The following RBFOX1 variants were observed in gnomAD, a reference collection of about 807,000 sequenced individuals.
RBFOX1 encodes RNA binding fox-1 homolog 1.
Under a neutral mutation model 57.7 loss-of-function variants are expected in RBFOX1, and 8 were observed. The ratio of observed to expected loss-of-function variants is 0.14; its 90% confidence interval spans 0.08 to 0.25. The LOEUF is 0.25. RBFOX1 is among the 10% of genes least tolerant of loss of function. The probability of loss-of-function intolerance (pLI) is 1.00; values close to 1 mark genes in which losing one functional copy is unlikely to be tolerated. For synonymous variants in RBFOX1, 326 were observed against 222.4 expected (o/e 1.47, Z -4.15); for missense variants, 611 against 548.5 (o/e 1.11, Z -1.14).
chr16:7,588,197 CAAAAG>C (rs1259581952), intron 7 of RBFOX1, among the ~76,000 whole-genome samples: 2 of 152,088 alleles, frequency 1.3e-5, no homozygotes, highest in African/African-American at 2.4e-5. Flanking sequence ...AGCAAATAAA[CAAAAG>C]AAATATGTTG....
At chr16:5,554,788 T>C (rs7202064) in intron 2 of RBFOX1, among the ~76,000 whole-genome samples, 5,383 of 152,316 alleles carry the variant, frequency 0.035, 312 homozygotes, top group African/African-American at 0.12. Context: ...TGGTGGATGA[T>C]GGATTTGACA....
chr16:5,874,749 G>A (rs1204675278), intron 4 of RBFOX1, among the ~76,000 whole-genome samples: 2 of 152,090 alleles, frequency 1.3e-5, no homozygotes, highest in Non-Finnish European at 2.9e-5. Context: ...TTTGAGACCA[G>A]CCAGGGCATT....
intron 4 of RBFOX1, among the ~76,000 whole-genome samples, chr16:7,238,679 C>T (rs2152957631): frequency 6.6e-6 from 1 of 152,244 alleles, no homozygotes; most frequent in African/African-American, 2.4e-5. Context: ...CAAGTGCAGG[C>T]TTGTTACATA....
At chr16:5,288,299 G>A (rs2063449322) in intron 1 of RBFOX1, among the ~76,000 whole-genome samples, 1 of 152,178 alleles carries the variant, frequency 6.6e-6, no homozygotes, top group Admixed American at 6.5e-5. Flanking sequence ...CCGGCTGTTA[G>A]GAGGCTGCTG....
chr16:5,896,125 G>A (rs2058158123), intron 4 of RBFOX1, among the ~76,000 whole-genome samples: 1 of 152,132 alleles, frequency 6.6e-6, no homozygotes, highest in African/African-American at 2.4e-5. Flanking sequence ...GGAAGGGAGA[G>A]GCTGGAATCT....
chr16:5,266,753 C>G (rs2062869255), intron 1 of RBFOX1, among the ~76,000 whole-genome samples: 1 of 151,616 alleles, frequency 6.6e-6, no homozygotes, highest in Non-Finnish European at 1.5e-5. Flanking sequence ...GAGGGGGGGT[C>G]TCACTATATT....
At chr16:7,446,922 C>T (rs1371898592) in intron 4 of RBFOX1, among the ~76,000 whole-genome samples, 3 of 145,900 alleles carry the variant, frequency 2.1e-5, no homozygotes, top group Non-Finnish European at 4.5e-5. Flanking sequence ...ACAGCATTCT[C>T]CTGTCTCAGC....
intron 4 of RBFOX1, among the ~76,000 whole-genome samples, chr16:7,059,312 A>G (rs2053518923): frequency 6.6e-6 from 1 of 152,184 alleles, no homozygotes; most frequent in Middle Eastern, 3.2e-3. Context: ...GAGACCTCAC[A>G]GGATCCATGA....
chr16:6,249,922 C>G (rs1372237381), intron 1 of RBFOX1, among the ~76,000 whole-genome samples: 4 of 152,002 alleles, frequency 2.6e-5, no homozygotes, highest in Non-Finnish European at 2.9e-5. Flanking sequence ...CTGTCCCTCC[C>G]CACTCCCCCT....
At chr16:7,408,780 T>TCC (rs1271142698) in intron 4 of RBFOX1, among the ~76,000 whole-genome samples, 1 of 152,118 alleles carries the variant, frequency 6.6e-6, no homozygotes, top group African/African-American at 2.4e-5. Flanking sequence ...TAGCATCCCC[T>TCC]CCCTCCTTGT....
intron 1 of RBFOX1, among the ~76,000 whole-genome samples, chr16:5,420,992 C>T (rs995995726): frequency 1.4e-5 from 2 of 145,362 alleles, no homozygotes; most frequent in African/African-American, 5.1e-5. Context: ...CCTTCCTCCT[C>T]CTCCTCCTCC....
intron 4 of RBFOX1, among the ~76,000 whole-genome samples, chr16:5,888,825 T>C (rs1006052378): frequency 2.8e-5 from 4 of 145,396 alleles, no homozygotes; most frequent in African/African-American, 1.0e-4. Flanking sequence ...AAAAAAAAGT[T>C]GTTGAATTAA....
chr16:7,081,994 A>C (rs572790994), intron 4 of RBFOX1, among the ~76,000 whole-genome samples: 1 of 152,260 alleles, frequency 6.6e-6, no homozygotes, highest in African/African-American at 2.4e-5. Context: ...ACTGGAAATG[A>C]GCAGCCACGT....
intron 1 of RBFOX1, among the ~76,000 whole-genome samples, chr16:6,280,715 G>C (rs2076285804): frequency 6.6e-6 from 1 of 152,042 alleles, no homozygotes; most frequent in Non-Finnish European, 1.5e-5. Context: ...ATGAGGGTTG[G>C]AAACATCACG....
At chr16:7,334,273 C>G (rs899387925) in intron 4 of RBFOX1, among the ~76,000 whole-genome samples, 1 of 152,034 alleles carries the variant, frequency 6.6e-6, no homozygotes, top group Admixed American at 6.6e-5. Flanking sequence ...TCTGTATTAC[C>G]TGTTATAAAC....
chr16:7,502,004 G>T (rs1320761169), intron 4 of RBFOX1, among the ~76,000 whole-genome samples: 4 of 152,196 alleles, frequency 2.6e-5, no homozygotes, highest in African/African-American at 9.6e-5. Flanking sequence ...TCATGCTCTT[G>T]CCCATTTGGA....
chr16:7,592,979 CT>C (rs1203680995), intron 7 of RBFOX1, among the ~76,000 whole-genome samples: 2,863 of 137,474 alleles, frequency 0.021, 29 homozygotes, highest in South Asian at 0.072. Flanking sequence ...TCACACCTGG[CT>C]TTTTTTTTTT....
chr16:6,884,298 C>A (rs1390899627), intron 3 of RBFOX1, among the ~76,000 whole-genome samples: 1 of 152,178 alleles, frequency 6.6e-6, no homozygotes, highest in East Asian at 1.9e-4. Flanking sequence ...TGTGAAGCAA[C>A]TGCAGCTCTG....
chr16:7,073,939 C>G (rs183545774), intron 4 of RBFOX1, among the ~76,000 whole-genome samples: 2 of 152,164 alleles, frequency 1.3e-5, no homozygotes, highest in East Asian at 1.9e-4. Context: ...GTTTGGCAAG[C>G]CACAGTTTAT....
Sources: allele counts gnomAD v4.1 joint callset (sites outside exome capture counted in the v4.1 genomes callset), GRCh38; gene constraint gnomAD v4.1.1; transcripts MANE v1.5; gene names NCBI Gene and HGNC (gene_info 2026-07-23, HGNC 2026-07-21).